The following MDM1 variants were observed in gnomAD, a reference collection of about 807,000 sequenced individuals.
MDM1 encodes the protein Mdm1 nuclear protein.
In MDM1, 61 loss-of-function variants were observed where a neutral mutation model predicts 89.1. The ratio of observed to expected loss-of-function variants is 0.68; its 90% CI spans 0.56 to 0.85. MDM1 has a LOEUF of 0.85. MDM1 is among the 40% of genes least tolerant of loss of function. The pLI is 0.00. For synonymous variants in MDM1, 290 were observed against 294.1 expected, an observed-to-expected ratio of 0.99 and a Z score of 0.14; for missense variants, 820 against 846.5, an observed-to-expected ratio of 0.97 and a Z score of 0.39.
chr12:68,304,068 C>T (rs1421896070), intron 12 of MDM1, among the ~76,000 whole-genome samples: 4 of 152,016 alleles, frequency 2.6e-5, no homozygotes, highest in South Asian at 4.1e-4. Context: ...GCCATGATTG[C>T]ATCACTGCAC....
At position 68,314,944 on chromosome 12, in the gene MDM1, T is replaced by C; in HGVS notation, c.1529+4A>G. On this transcript the variant is annotated splice_donor_region_variant and intron_variant, in intron 10 of 14. Coordinates refer to ENST00000682720, the MANE Select transcript of MDM1 (RefSeq NM_001354969.2). Reference sequence around the variant, plus strand: ...CTCTATACTGAGTAATTTAAAACTCTCACCCTTCTTTCATCTTATCTGCCT... The same window carrying C: ...CTCTATACTGAGTAATTTAAAACTCCCACCCTTCTTTCATCTTATCTGCCT... 1 of 1,609,450 alleles carries C rather than the reference T, an allele frequency of 6.2e-7. No individual in the cohort carries two copies. Among genetic ancestry groups the C allele is most frequent in the African/African-American group, 1.3e-5 (1 of 74,872 alleles).
Position 68,325,581 on chromosome 12 carries a change from C to A in MDM1, c.499-6G>T. 1.3e-6 allele frequency: 2 copies of A among 1,502,288 alleles called. No individual in the cohort carries two copies. The highest frequency in any genetic ancestry group is 2.8e-5 in the South Asian group (2 of 70,574). 93.1% of individuals were successfully genotyped at this position (1,502,288 alleles called of 1,614,324 possible). A position where few individuals can be genotyped will look rare whatever the true frequency, so the allele number is the denominator to read the frequency against. ...TTACGCAGAAGTCTATCCAACTGTTCAAAAAACAAAATCCACTCAAAGACA... is the reference window on the plus strand; with the variant it reads ...TTACGCAGAAGTCTATCCAACTGTTAAAAAAACAAAATCCACTCAAAGACA... On this transcript the variant is annotated splice_region_variant and splice_polypyrimidine_tract_variant and intron_variant, in intron 3 of 14. Coordinates refer to ENST00000682720, the MANE Select transcript of MDM1 (RefSeq NM_001354969.2).
chr12:68,302,864 ACTTT>A lies in MDM1; in HGVS notation c.1754_1757del (p.Glu585ValfsTer7). The A allele has an allele frequency of 7.2e-7, 1 of 1,387,694 alleles. No homozygotes were observed. The highest frequency in any genetic ancestry group is 9.5e-7 in the Non-Finnish European group (1 of 1,050,956). 86.0% of individuals were successfully genotyped at this position (1,387,694 alleles called of 1,614,324 possible). The stretch of plus-strand genomic sequence containing the variant: ...GAGAAGTCAGTAGGGATACAGCACG[ACTTT>A]CTTTCTAAATGACAAAAAAAAAAAA... On this transcript the variant is annotated frameshift_variant, in exon 13 of 15. Transcript: ENST00000682720. LOFTEE classifies it high-confidence loss of function.
Position 68,331,171 on chromosome 12 carries a change from G to A in MDM1, c.69C>T (p.Ser23=), listed in dbSNP as rs3741808. Residue 23 remains serine (S), a synonymous_variant, in exon 2 of 15, where the codon TCC becomes TCT. Transcript: ENST00000682720. ...RNFLWKKSYL[S]ESCNSSVGRK... ...GCCCCACGGAGGAATTACAAGACTCGGACAAATAAGACTTTTTCCACAGGA... is the reference window on the plus strand; with the variant it reads ...GCCCCACGGAGGAATTACAAGACTCAGACAAATAAGACTTTTTCCACAGGA... 8.1e-6 allele frequency: 13 copies of A among 1,611,382 alleles called. No homozygotes were observed. The highest frequency in any genetic ancestry group is 1.3e-5 in the African/African-American group (1 of 74,792).
chr12:68,323,734 T>G (rs1340053392), intron 4 of MDM1, among the ~76,000 whole-genome samples: 2 of 152,202 alleles, frequency 1.3e-5, no homozygotes, highest in African/African-American at 4.8e-5. Flanking sequence ...CCTTTTATAC[T>G]TACTACTTCA....
At chr12:68,303,985 C>T (rs1872557947) in intron 12 of MDM1, among the ~76,000 whole-genome samples, 1 of 152,196 alleles carries the variant, frequency 6.6e-6, no homozygotes, top group Admixed American at 6.5e-5. Context: ...TGCCTGTAAT[C>T]CTAGCAATTT....
intron 12 of MDM1, among the ~76,000 whole-genome samples, chr12:68,305,735 A>G (rs921478751): frequency 3.3e-5 from 5 of 152,236 alleles, no homozygotes; most frequent in Non-Finnish European, 7.3e-5. Flanking sequence ...AACACTGCTG[A>G]AAGAAATTAT....
intron 4 of MDM1, 170 bp downstream of exon 4, chr12:68,325,271 C>A: frequency 7.8e-7 from 1 of 1,278,924 alleles, no homozygotes; most frequent in Non-Finnish European, 9.9e-7. Context: ...ATATTACTAC[C>A]ATAAATCATA....
chr12:68,324,915 C>G (rs780152939), intron 4 of MDM1: 3 of 722,684 alleles, frequency 4.2e-6, no homozygotes, highest in Non-Finnish European at 5.1e-6. Context: ...AATACCACAT[C>G]ATTACAGCTT....
intron 12 of MDM1, among the ~76,000 whole-genome samples, chr12:68,306,812 A>G (rs1264934502): frequency 1.3e-5 from 2 of 152,244 alleles, no homozygotes; most frequent in Admixed American, 6.5e-5. Flanking sequence ...AACTAAAATT[A>G]GAACTACCAT....
intron 10 of MDM1, among the ~76,000 whole-genome samples, chr12:68,314,224 G>T (rs1874147931): frequency 6.6e-6 from 1 of 150,974 alleles, no homozygotes; most frequent in African/African-American, 2.4e-5. Context: ...AAAAGCGACT[G>T]AAATTTCCAA....
chr12:68,321,501 A>G (rs752473829), intron 6 of MDM1, 24 bp downstream of exon 6: 6 of 1,607,556 alleles, frequency 3.7e-6, no homozygotes, highest in Non-Finnish European at 5.1e-6. Context: ...TTGAAATACC[A>G]TATTTTCCTA....
intron 1 of MDM1, 37 bp downstream of exon 1, chr12:68,332,191 C>T (rs762981303): frequency 6.5e-7 from 1 of 1,530,528 alleles, no homozygotes; most frequent in Non-Finnish European, 8.8e-7. Flanking sequence ...CCATGGCTCC[C>T]CCCAGCCACA....
chr12:68,325,018 A>C (rs770090221), intron 4 of MDM1: 127 of 980,124 alleles, frequency 1.3e-4, no homozygotes, highest in Non-Finnish European at 1.5e-4. Flanking sequence ...CTGTCAACAT[A>C]TTTTGTATTT....
Position 68,315,164 on chromosome 12 carries a change from T to A in MDM1, c.1313A>T (p.Lys438Ile), listed in dbSNP as rs748045771. The A allele has an allele frequency of 6.2e-6, 10 of 1,614,090 alleles. No homozygotes were observed. The highest frequency in any genetic ancestry group is 8.5e-6 in the Non-Finnish European group (10 of 1,180,046). ...TATGGTGGGAGCTGACACACCCAAT[T>A]TCTCCGTGGTATTTTTCTGGGGCTG... ...EEQPQKNTTE[K>I]LGVSAPTIPV... The change falls in exon 10 of 15, where the codon AAA becomes ATA. Residue 438 changes from lysine to isoleucine, a missense_variant. Physicochemically the swap from Lys to Ile is moderately radical, Grantham distance 102. Transcript: ENST00000682720.
chr12:68,319,197 T>C (rs1874896423), intron 7 of MDM1, among the ~76,000 whole-genome samples: 1 of 152,186 alleles, frequency 6.6e-6, no homozygotes, highest in Non-Finnish European at 1.5e-5. Flanking sequence ...TAAGTGAGCA[T>C]TTTAAAAAGC....
intron 5 of MDM1, among the ~76,000 whole-genome samples, chr12:68,322,687 A>G (rs1419640672): frequency 2.0e-5 from 3 of 152,222 alleles, no homozygotes; most frequent in African/African-American, 7.2e-5. Flanking sequence ...TTTAATTTCC[A>G]TAACTTAAAA....
At chr12:68,298,122 G>A (rs1303899636) in intron 13 of MDM1, among the ~76,000 whole-genome samples, 2 of 152,134 alleles carry the variant, frequency 1.3e-5, no homozygotes, top group East Asian at 3.9e-4. Flanking sequence ...CCTGATTAGA[G>A]GCCAACTGAC....
rs377121843 is a variant in MDM1 at position 68,315,075 on chromosome 12, C to T, written c.1402G>A (p.Gly468Arg). 17 of 1,613,966 alleles carry T rather than the reference C, an allele frequency of 1.1e-5. No homozygotes were observed. The highest frequency in any genetic ancestry group is 2.2e-5 in the South Asian group (2 of 91,070). Residue 468 changes from glycine (G) to arginine (R), a missense_variant, in exon 10 of 15, where the codon GGG (glycine) becomes AGG (arginine). Physicochemically the swap from Gly to Arg is moderately radical, Grantham distance 125. Transcript: ENST00000682720. ...NTSEDVQKQP[G>R]EKEEEDDNEE... ...TTGTCGTCCTCCTCCTCTTTCTCCC[C>T]GGGCTGTTTCTGTACGTCTTCACTT... is the stretch of plus-strand genomic sequence containing the variant.
Sources: allele counts gnomAD v4.1 joint callset (sites outside exome capture counted in the v4.1 genomes callset), GRCh38; gene constraint gnomAD v4.1.1; transcripts MANE v1.5; gene names NCBI Gene and HGNC (gene_info 2026-07-23, HGNC 2026-07-21).